Variants in NAV3 observed in about 807,000 individuals in gnomAD.
NAV3 encodes the protein neuron navigator 3, also known as pore membrane and/or filament interacting like protein 1.
Under a neutral mutation model 244.7 loss-of-function variants are expected in NAV3, and 87 were observed. The ratio of observed to expected loss-of-function variants is 0.36; its 90% CI spans 0.30 to 0.42. The LOEUF is 0.42. Among genes scored for constraint, NAV3 ranks in the 20% least tolerant of loss-of-function variants. The pLI is 1.00. For missense variants in NAV3, 2,663 were observed against 2,893.3 expected (o/e 0.92, Z 1.83); for synonymous variants, 1,126 against 1,042.2 (o/e 1.08, Z -1.55).
At chr12:77,624,918 T>C (rs1386029084) in intron 2 of NAV3, among the ~76,000 whole-genome samples, 1 of 152,132 alleles carries the variant, frequency 6.6e-6, no homozygotes, top group Non-Finnish European at 1.5e-5. Context: ...AGTCAACACA[T>C]ACAGTGAGGT....
chr12:78,045,571 G>A (rs2137147544), intron 9 of NAV3, among the ~76,000 whole-genome samples: 1 of 152,268 alleles, frequency 6.6e-6, no homozygotes, highest in South Asian at 2.1e-4. Flanking sequence ...GGGATTACAG[G>A]CATGAGCCAC....
intron 7 of NAV3, among the ~76,000 whole-genome samples, chr12:77,998,691 A>G (rs1230538671): frequency 2.6e-5 from 4 of 152,224 alleles, no homozygotes; most frequent in Non-Finnish European, 4.4e-5. Context: ...GTAGTTAGTT[A>G]TATATGCAAG....
intron 2 of NAV3, among the ~76,000 whole-genome samples, chr12:77,627,800 G>C (rs1471869950): frequency 3.3e-5 from 5 of 152,078 alleles, no homozygotes; most frequent in African/African-American, 1.2e-4. Context: ...ATGGATGAAG[G>C]GATAAAGAAA....
At chr12:77,800,327 C>T (rs1259621399) in intron 2 of NAV3, among the ~76,000 whole-genome samples, 1 of 152,160 alleles carries the variant, frequency 6.6e-6, no homozygotes, top group East Asian at 1.9e-4. Flanking sequence ...AGCTAAAGAT[C>T]TGAGGGTTTT....
At chr12:78,029,975 G>C (rs890382235) in intron 9 of NAV3, among the ~76,000 whole-genome samples, 2 of 152,116 alleles carry the variant, frequency 1.3e-5, no homozygotes, top group Non-Finnish European at 2.9e-5. Flanking sequence ...ATGGTTCAAT[G>C]CACATAAACT....
Position 78,007,106 on chromosome 12 carries a change from CTTCCAGTGGTA to C in NAV3, c.1574_1584del (p.Ser525LysfsTer5). The C allele has an allele frequency of 6.2e-7, 1 of 1,614,170 alleles. No homozygotes were observed. Among genetic ancestry groups the C allele is most frequent in the South Asian group, 1.1e-5 (1 of 91,084 alleles). ...GCTAAGAAGGAAAGCTTAATTCCGT[CTTCCAGTGGTA>C]TTCCAAAACCAGGCTCTAAAGTTCC... On this transcript the variant is annotated frameshift_variant, in exon 8 of 40. Transcript: ENST00000397909. LOFTEE classifies it high-confidence loss of function.
intron 37 of NAV3, among the ~76,000 whole-genome samples, chr12:78,199,969 T>C (rs987664200): frequency 1.3e-5 from 2 of 152,100 alleles, no homozygotes; most frequent in African/African-American, 4.8e-5. Context: ...TTTTGAGTTA[T>C]TTCTCTTTTA....
chr12:77,820,588 T>C (rs1171019755), intron 2 of NAV3, among the ~76,000 whole-genome samples: 2 of 152,186 alleles, frequency 1.3e-5, no homozygotes, highest in Non-Finnish European at 2.9e-5. Flanking sequence ...TTCAAACCAT[T>C]GCAATGTCTG....
intron 2 of NAV3, among the ~76,000 whole-genome samples, chr12:77,824,160 G>A (rs1032418132): frequency 7.9e-5 from 12 of 151,648 alleles, no homozygotes; most frequent in African/African-American, 9.7e-5. Flanking sequence ...TGCAACCTCC[G>A]CCTCTCGGGT....
intron 36 of NAV3, 124 bp downstream of exon 36, chr12:78,198,800 A>T: frequency 1.5e-6 from 1 of 684,462 alleles, no homozygotes; most frequent in Non-Finnish European, 2.5e-6. Context: ...TTGTACTTTG[A>T]CAAATCTTGC....
intron 2 of NAV3, among the ~76,000 whole-genome samples, chr12:77,821,030 C>G (rs1269410772): frequency 1.3e-5 from 2 of 151,936 alleles, no homozygotes; most frequent in Non-Finnish European, 2.9e-5. Flanking sequence ...TCCTCTCTCT[C>G]TTTCTTATTA....
rs138033998 is a variant in NAV3 at position 77,849,651 on chromosome 12, T to C, written c.243+17947T>C. 2.6e-3 allele frequency among the ~76,000 whole-genome samples: 400 copies of C among 152,322 alleles called. 3 individuals are homozygous for C. The highest frequency in any genetic ancestry group is 9.1e-3 in the African/African-American group (380 of 41,590). On this transcript the variant is annotated intron_variant, in intron 1 of 39. Transcript: ENST00000397909. ...TTTCCATCCCCAAGATACCTCATTA[T>C]GTATATGCAAAGATTCTAAAATCTG...
At chr12:77,654,027 C>T (rs1033737694) in intron 2 of NAV3, among the ~76,000 whole-genome samples, 9 of 152,294 alleles carry the variant, frequency 5.9e-5, no homozygotes, top group Non-Finnish European at 8.8e-5. Flanking sequence ...GCATGAGCCA[C>T]GCAGAAGACG....
chr12:77,943,451 G>A (rs1019768281), intron 3 of NAV3, among the ~76,000 whole-genome samples: 4 of 152,182 alleles, frequency 2.6e-5, no homozygotes, highest in African/African-American at 9.7e-5. Flanking sequence ...AAGTTGGCAT[G>A]CCTTCAATTT....
intron 11 of NAV3, among the ~76,000 whole-genome samples, chr12:78,057,432 CAG>C (rs1491138810): frequency 9.2e-5 from 14 of 152,188 alleles, no homozygotes; most frequent in Non-Finnish European, 7.3e-5. Flanking sequence ...GTATGCATAA[CAG>C]TGTGCAAAAG....
intron 9 of NAV3, chr12:78,037,114 G>T: frequency 1.4e-6 from 1 of 703,002 alleles, no homozygotes; most frequent in Non-Finnish European, 2.6e-6. Flanking sequence ...CACACCAGCA[G>T]CTCAGCCTGG....
intron 11 of NAV3, among the ~76,000 whole-genome samples, chr12:78,053,287 T>C (rs1305802100): frequency 6.6e-6 from 1 of 151,748 alleles, no homozygotes; most frequent in African/African-American, 2.4e-5. Flanking sequence ...TATATATACC[T>C]ATGTGCACTC....
intron 2 of NAV3, among the ~76,000 whole-genome samples, chr12:77,705,282 T>G (rs923874882): frequency 6.6e-6 from 1 of 151,540 alleles, no homozygotes. Context: ...CAGCTGGGTG[T>G]GGTAGTGGAC....
chr12:77,593,263 AGTGTGTGTATGTGTGTCTGTGT>A (rs1413405915), intron 2 of NAV3, among the ~76,000 whole-genome samples: 1 of 92,050 alleles, frequency 1.1e-5, no homozygotes, highest in Non-Finnish European at 2.1e-5. Flanking sequence ...TATATGTATG[AGTGTGTGTATGTGTGTCTGTGT>A]GTGTGTGTGT....
Sources: allele counts gnomAD v4.1 joint callset (sites outside exome capture counted in the v4.1 genomes callset), GRCh38; gene constraint gnomAD v4.1.1; transcripts MANE v1.5; gene names NCBI Gene and HGNC (gene_info 2026-07-23, HGNC 2026-07-21).